HIKESHI: variants seen among roughly 807,000 people sequenced by gnomAD.
HIKESHI encodes heat shock protein nuclear import factor hikeshi.
HIKESHI carries 13 observed loss-of-function variants against 25.7 expected under a neutral mutation model. The observed-to-expected ratio is 0.51, with a 90% CI of 0.33 to 0.80. The LOEUF (loss-of-function observed/expected upper bound fraction) is 0.80. Among genes scored for constraint, HIKESHI ranks in the 30% least tolerant of loss-of-function variants. HIKESHI has a pLI of 0.02. For synonymous variants in HIKESHI, 76 were observed against 78.7 expected (o/e 0.97, Z 0.18); for missense variants, 174 against 229.5 (o/e 0.76, Z 1.56).
At chr11:86,309,148 G>A (rs1946765085) in intron 2 of HIKESHI, among the ~76,000 whole-genome samples, 3 of 152,156 alleles carry the variant, frequency 2.0e-5, no homozygotes, top group African/African-American at 7.2e-5. Flanking sequence ...TCACCACACT[G>A]TCTTCCACAA....
At chr11:86,325,121 T>G (rs1459206381) in intron 2 of HIKESHI, among the ~76,000 whole-genome samples, 1 of 151,504 alleles carries the variant, frequency 6.6e-6, no homozygotes, top group East Asian at 1.9e-4. Flanking sequence ...GAAGCTGCAG[T>G]GAGCCAAGAT....
Position 86,315,607 on chromosome 11 carries a change from C to G in HIKESHI, c.268+9125C>G, listed in dbSNP as rs560330624. 2.6e-5 allele frequency among the ~76,000 whole-genome samples: 4 copies of G among 152,252 alleles called. 1 individual carries two copies. In the East Asian group the frequency reaches 5.8e-4, roughly 22 times the overall value. On this transcript the variant is annotated intron_variant, in intron 2 of 4. Coordinates refer to ENST00000278483, the MANE Select transcript of HIKESHI (RefSeq NM_016401.4). Reference sequence around the variant, plus strand: ...GTGCTGGGATTACAGGCATGAGCCACCATTCCCAGCCAGAAAAATAAAATA... The same window carrying G: ...GTGCTGGGATTACAGGCATGAGCCAGCATTCCCAGCCAGAAAAATAAAATA...
At chr11:86,305,385 A>T (rs1442181122) in intron 1 of HIKESHI, among the ~76,000 whole-genome samples, 1 of 151,764 alleles carries the variant, frequency 6.6e-6, no homozygotes, top group Non-Finnish European at 1.5e-5. Context: ...AGCTATAGTT[A>T]TTTTTATTTA....
chr11:86,318,164 C>T (rs867267494), intron 2 of HIKESHI, among the ~76,000 whole-genome samples: 22 of 150,984 alleles, frequency 1.5e-4, no homozygotes, highest in African/African-American at 4.4e-4. Context: ...AATAGCCGGG[C>T]GTGGTGGTGG....
At chr11:86,303,747 T>C (rs1395933336) in intron 1 of HIKESHI, among the ~76,000 whole-genome samples, 1 of 152,176 alleles carries the variant, frequency 6.6e-6, no homozygotes, top group Non-Finnish European at 1.5e-5. Flanking sequence ...ATCTCAAAAC[T>C]TAACTACACG....
chr11:86,324,036 C>G (rs1947211795), intron 2 of HIKESHI: 1 of 151,704 alleles, frequency 6.6e-6, no homozygotes, highest in Non-Finnish European at 1.5e-5. Context: ...ACTATGTTGC[C>G]CAGGCTGGAG....
intron 3 of HIKESHI, among the ~76,000 whole-genome samples, chr11:86,340,443 T>C (rs1947694871): frequency 6.6e-6 from 1 of 152,230 alleles, no homozygotes; most frequent in African/African-American, 2.4e-5. Flanking sequence ...TGATCGCCAT[T>C]CTAACTGTTG....
chr11:86,302,593 G>C, intron 1 of HIKESHI, 115 bp downstream of exon 1: 1 of 1,255,564 alleles, frequency 8.0e-7, no homozygotes. Context: ...ATTATATTTT[G>C]GGTGGGTATG....
At chr11:86,317,419 G>T (rs925885157) in intron 2 of HIKESHI, among the ~76,000 whole-genome samples, 2 of 152,118 alleles carry the variant, frequency 1.3e-5, no homozygotes, top group Admixed American at 1.3e-4. Flanking sequence ...GCTAAAAGTA[G>T]AAATTAATGA....
intron 2 of HIKESHI, among the ~76,000 whole-genome samples, chr11:86,332,352 C>T (rs1330886614): frequency 1.3e-5 from 2 of 151,894 alleles, no homozygotes; most frequent in Non-Finnish European, 2.9e-5. Context: ...TTAAATTTCC[C>T]TTTTGAGCAT....
At chr11:86,303,555 T>A in intron 1 of HIKESHI, 1 of 210,024 alleles carries the variant, frequency 4.8e-6, no homozygotes, top group Non-Finnish European at 8.3e-6. Context: ...TGAATGACAT[T>A]AAAATTGTGT....
intron 3 of HIKESHI, among the ~76,000 whole-genome samples, chr11:86,341,326 C>G (rs1947722218): frequency 7.1e-6 from 1 of 140,630 alleles, no homozygotes; most frequent in South Asian, 2.4e-4. Context: ...CATTTCTTTT[C>G]TTGTATAATT....
intron 2 of HIKESHI, among the ~76,000 whole-genome samples, chr11:86,310,077 A>C (rs1241005247): frequency 6.8e-6 from 1 of 147,938 alleles, no homozygotes; most frequent in Non-Finnish European, 1.5e-5. Flanking sequence ...ATGAACTTTA[A>C]AGTAGTTTTT....
At chr11:86,304,656 C>T (rs1946573702) in intron 1 of HIKESHI, among the ~76,000 whole-genome samples, 1 of 151,902 alleles carries the variant, frequency 6.6e-6, no homozygotes, top group African/African-American at 2.4e-5. Context: ...GCTGAGACTA[C>T]AGGCATGTGC....
At chr11:86,340,620 T>A (rs2085485196) in intron 3 of HIKESHI, among the ~76,000 whole-genome samples, 2 of 152,206 alleles carry the variant, frequency 1.3e-5, no homozygotes, top group Non-Finnish European at 2.9e-5. Flanking sequence ...GCAAATTTGT[T>A]TAAGTTCTTT....
intron 2 of HIKESHI, among the ~76,000 whole-genome samples, chr11:86,331,936 C>T (rs1947436047): frequency 6.6e-6 from 1 of 150,514 alleles, no homozygotes; most frequent in African/African-American, 2.4e-5. Context: ...TAGTGAAATG[C>T]TACTGCATAG....
chr11:86,328,927 T>C (rs551000612), intron 2 of HIKESHI, among the ~76,000 whole-genome samples: 3,601 of 133,642 alleles, frequency 0.027, 66 homozygotes, highest in African/African-American at 0.058. Flanking sequence ...TGTGTGTGTG[T>C]GCGCGCACAC....
At chr11:86,307,445 AATAT>A (rs1565719251) in intron 2 of HIKESHI, among the ~76,000 whole-genome samples, 1 of 137,984 alleles carries the variant, frequency 7.2e-6, no homozygotes, top group African/African-American at 2.6e-5. Flanking sequence ...TTATATATCA[AATAT>A]ATATTATGTG....
intron 2 of HIKESHI, among the ~76,000 whole-genome samples, chr11:86,311,849 T>A (rs895554250): frequency 6.6e-6 from 1 of 152,206 alleles, no homozygotes; most frequent in Non-Finnish European, 1.5e-5. Context: ...GATTGTTCAA[T>A]TTCCTTGTAG....
Sources: allele counts gnomAD v4.1 joint callset (sites outside exome capture counted in the v4.1 genomes callset), GRCh38; gene constraint gnomAD v4.1.1; transcripts MANE v1.5; gene names NCBI Gene and HGNC (gene_info 2026-07-23, HGNC 2026-07-21).